FANCD2: variants seen among roughly 807,000 people sequenced by gnomAD.
FANCD2 encodes Fanconi anemia group D2 protein.
FANCD2 carries 131 observed loss-of-function variants against 192.3 expected under a neutral mutation model. That is an observed-to-expected ratio of 0.68 (90% CI 0.59 to 0.79). The LOEUF (loss-of-function observed/expected upper bound fraction) is 0.79. Ranked by LOEUF, FANCD2 falls within the 30% of genes least tolerant of loss-of-function variation. FANCD2 has a pLI of 0.00. For missense variants in FANCD2, 1,508 were observed against 1,701.6 expected, an observed-to-expected ratio of 0.89 and a Z score of 2.00; for synonymous variants, 524 against 612.5, an observed-to-expected ratio of 0.86 and a Z score of 2.13.
chr3:10,082,710 C>T (rs1475505191), intron 32 of FANCD2, among the ~76,000 whole-genome samples: 2 of 152,112 alleles, frequency 1.3e-5, no homozygotes, highest in African/African-American at 4.8e-5. Context: ...CTTAAGCATC[C>T]ATCCTGCCTC....
At chr3:10,063,306 A>G (rs557090101) in intron 20 of FANCD2, among the ~76,000 whole-genome samples, 8 of 152,180 alleles carry the variant, frequency 5.3e-5, no homozygotes, top group African/African-American at 1.9e-4. Flanking sequence ...ACATGGTGGC[A>G]GGCGCCTGTA....
intron 26 of FANCD2, among the ~76,000 whole-genome samples, chr3:10,069,208 G>A (rs1241656497): frequency 6.6e-6 from 1 of 152,066 alleles, no homozygotes; most frequent in Non-Finnish European, 1.5e-5. Context: ...AAACACCAAA[G>A]TGAAGAGACA....
intron 39 of FANCD2, 61 bp downstream of exon 39, chr3:10,093,384 ACC>A: frequency 7.3e-7 from 1 of 1,362,698 alleles, no homozygotes; most frequent in Non-Finnish European, 1.1e-6. Flanking sequence ...TCTAGAGAGG[ACC>A]TCAGCTGAGA....
chr3:10,065,186 G>T (rs1197217669), intron 23 of FANCD2, among the ~76,000 whole-genome samples: 1 of 152,212 alleles, frequency 6.6e-6, no homozygotes, highest in African/African-American at 2.4e-5. Context: ...CTACTCAGGA[G>T]GCTGAGGCAG....
chr3:10,064,598 A>G (rs2087662775), intron 22 of FANCD2, 131 bp from the exon 23 acceptor site: 3 of 1,319,274 alleles, frequency 2.3e-6, no homozygotes, highest in Non-Finnish European at 3.3e-6. Flanking sequence ...CAAAATTCCT[A>G]AAAGGTTCAC....
chr3:10,054,841 A>AT lies in FANCD2; in HGVS notation c.1656+2352dup, dbSNP rs965243952. On this transcript the variant is annotated intron_variant, in intron 18 of 43. Transcript: ENST00000675286. ...CCTTTCTTGGATCCCCAGTCAGCACATTTTTTTTAATTAAAAAAAAAACTT... is the reference window on the plus strand; with the variant it reads ...CCTTTCTTGGATCCCCAGTCAGCACATTTTTTTTTAATTAAAAAAAAAACTT... 6.6e-5 allele frequency among the ~76,000 whole-genome samples: 10 copies of AT among 150,426 alleles called. No homozygotes were observed. In the South Asian group the frequency reaches 8.4e-4, roughly 13 times the overall value.
intron 16 of FANCD2, among the ~76,000 whole-genome samples, chr3:10,048,335 C>T (rs2087091323): frequency 7.0e-6 from 1 of 142,740 alleles, no homozygotes; most frequent in South Asian, 2.2e-4. Context: ...CGTGGTTTTG[C>T]TCTTCATGCC....
chr3:10,089,087 C>T, intron 36 of FANCD2, 137 bp downstream of exon 36: 1 of 954,988 alleles, frequency 1.0e-6, no homozygotes, highest in East Asian at 2.5e-5. Flanking sequence ...AGTTTTGAGA[C>T]CCACTTGGCC....
Position 10,088,858 on chromosome 3 carries a change from G to A in FANCD2, c.3591G>A (p.Leu1197=), listed in dbSNP as rs1694403439. Residue 1197 remains leucine (L), a synonymous_variant, in exon 36 of 44, where the codon CTG becomes CTA. Transcript: ENST00000675286. ...ACCTGGAGCACACAGAGAGCATTCT[G>A]AAGGCCATAGAGGAGATTGCTGGTG... ...CIYLEHTESI[L]KAIEEIAGVG... is the part of the protein sequence containing the mutation. The A allele has an allele frequency of 6.2e-7, 1 of 1,614,024 alleles. No homozygotes were observed. The highest frequency in any genetic ancestry group is 8.5e-7 in the Non-Finnish European group (1 of 1,179,982).
rs771839228 is a variant in FANCD2, at chr3:10,094,333, G to A, written c.3933G>A (p.Pro1311=). 8.7e-6 allele frequency: 14 copies of A among 1,613,774 alleles called. No homozygotes were observed. The highest frequency in any genetic ancestry group is 4.0e-5 in the African/African-American group (3 of 74,870). The part of the protein sequence containing the change: ...FVEAFLKQCM[P]LLDFSFRKHR... Reference sequence around the variant, plus strand: ...AAGCATTTCTGAAGCAATGTATGCCGCTCCTAGACTTCAGTTTTAGAAAAC... The same window carrying A: ...AAGCATTTCTGAAGCAATGTATGCCACTCCTAGACTTCAGTTTTAGAAAAC... The change falls in exon 40 of 44, where the codon CCG becomes CCA. Residue 1311 remains proline, a synonymous_variant. Coordinates refer to ENST00000675286, the MANE Select transcript of FANCD2 (RefSeq NM_001018115.3).
rs17032279 is a variant in FANCD2 at position 10,036,349 on chromosome 3, G to A, written c.491+10G>A. The A allele has an allele frequency of 1.5e-3, 2,360 of 1,603,732 alleles. 9 individuals are homozygous for A. The highest frequency in any genetic ancestry group is 1.8e-3 in the Non-Finnish European group (2,090 of 1,170,904). On this transcript the variant is annotated intron_variant, in intron 7 of 43. Transcript: ENST00000675286. Reference sequence around the variant, plus strand: ...AATATTTTTTTGAAAAGTAAGTGGCGTTATTATGGAATGTTCAAAGTACCC... The same window carrying A: ...AATATTTTTTTGAAAAGTAAGTGGCATTATTATGGAATGTTCAAAGTACCC...
At chr3:10,064,022 A>C (rs2087644140) in intron 21 of FANCD2, 111 bp downstream of exon 21, 1 of 1,500,136 alleles carries the variant, frequency 6.7e-7, no homozygotes, top group African/African-American at 1.4e-5. Flanking sequence ...ACCTCTCCTA[A>C]ATTCTAACTG....
rs1267974483 is a variant in FANCD2, at chr3:10,088,505, A to T, written c.3523A>T (p.Ser1175Cys). The T allele has an allele frequency of 6.2e-7, 1 of 1,611,248 alleles. No individual in the cohort carries two copies. Among genetic ancestry groups the T allele is most frequent in the South Asian group, 1.1e-5 (1 of 91,018 alleles). Residue 1175 changes from serine to cysteine, a missense_variant, in exon 35 of 44, where the codon AGC becomes TGC. Around this residue, in one of 5 missense-constraint regions of FANCD2, gnomAD observed 796 missense variants for 879.4 expected, o/e 0.91. Coordinates refer to ENST00000675286, the MANE Select transcript of FANCD2 (RefSeq NM_001018115.3). ...RVWPSGDKEK[S>C]NISNDQLHAL... ...GTGGCCAAGTGGGGATAAAGAGAAG[A>T]GCAACATCTCTAATGACCAGCTCCA...
At chr3:10,039,220 C>G in intron 7 of FANCD2, 59 bp from the exon 8 acceptor site, 1 of 1,258,008 alleles carries the variant, frequency 7.9e-7, no homozygotes, top group Non-Finnish European at 1.2e-6. Flanking sequence ...AGTATTAATG[C>G]TTGCTGTTAT....
intron 29 of FANCD2, among the ~76,000 whole-genome samples, chr3:10,075,267 T>C (rs1693471985): frequency 6.6e-6 from 1 of 151,826 alleles, no homozygotes; most frequent in South Asian, 2.1e-4. Flanking sequence ...CACTGCAAGC[T>C]CTGCCTCCCG....
At chr3:10,073,996 A>C (rs1394324799) in intron 28 of FANCD2, among the ~76,000 whole-genome samples, 1 of 152,092 alleles carries the variant, frequency 6.6e-6, no homozygotes, top group Admixed American at 6.6e-5. Context: ...CCCAGGCTGG[A>C]GTGCAGTGGC....
chr3:10,068,156 GAGAA>G (rs1039712151), intron 26 of FANCD2, among the ~76,000 whole-genome samples: 3 of 152,030 alleles, frequency 2.0e-5, no homozygotes, highest in Non-Finnish European at 2.9e-5. Context: ...AGACAAGAGA[GAGAA>G]AGAAAGAAAG....
Position 10,087,795 on chromosome 3 carries a change from C to T in FANCD2, c.3466+531C>T, listed in dbSNP as rs189320600. 9.0e-4 allele frequency among the ~76,000 whole-genome samples: 137 copies of T among 152,116 alleles called. No homozygotes were observed. In the Middle Eastern group the frequency reaches 0.017, roughly 19 times the overall value. ...TTTCAAGTAGCTGGGATTACAGGTG[C>T]GCACCACCGTGCCCAGCCAATTTTT... On this transcript the variant is annotated intron_variant, in intron 34 of 43. Coordinates refer to ENST00000675286, the MANE Select transcript of FANCD2 (RefSeq NM_001018115.3).
At chr3:10,095,413 A>T (rs1384092347) in intron 41 of FANCD2, 139 bp downstream of exon 41, 4 of 729,598 alleles carry the variant, frequency 5.5e-6, no homozygotes, top group Non-Finnish European at 9.9e-6. Context: ...TTCAGAGCAA[A>T]TCCTTAGTTG....
Sources: allele counts gnomAD v4.1 joint callset (sites outside exome capture counted in the v4.1 genomes callset), GRCh38; gene constraint gnomAD v4.1.1; regional missense constraint gnomAD v4.1.1; transcripts MANE v1.5; gene names NCBI Gene and HGNC (gene_info 2026-07-23, HGNC 2026-07-21).